KIAA1217: variants seen among roughly 807,000 people sequenced by gnomAD.
KIAA1217 encodes the protein KIAA1217, also known as sickle tail protein homolog.
A neutral mutation model predicts 163.9 loss-of-function variants in KIAA1217; 88 were observed. The observed-to-expected ratio is 0.54, with a 90% CI of 0.45 to 0.64. The LOEUF (loss-of-function observed/expected upper bound fraction) is 0.64. Among genes scored for constraint, KIAA1217 ranks in the 30% least tolerant of loss-of-function variants. The probability of loss-of-function intolerance (pLI) is 0.00; values close to 1 mark genes in which losing one functional copy is unlikely to be tolerated. For synonymous variants in KIAA1217, 903 were observed against 923.1 expected (o/e 0.98, Z 0.39); for missense variants, 2,372 against 2,475.0 (o/e 0.96, Z 0.88).
intron 2 of KIAA1217, among the ~76,000 whole-genome samples, chr10:24,234,074 C>G (rs2071834249): frequency 6.6e-6 from 1 of 151,890 alleles, no homozygotes; most frequent in Non-Finnish European, 1.5e-5. Flanking sequence ...CCTTATCATT[C>G]ATTTTCAATG....
intron 2 of KIAA1217, among the ~76,000 whole-genome samples, chr10:24,374,819 T>TA (rs2052230936): frequency 1.3e-5 from 2 of 152,176 alleles, no homozygotes; most frequent in Non-Finnish European, 2.9e-5. Flanking sequence ...GGGAGTCTTG[T>TA]TCTTTCTCCC....
At chr10:23,903,555 A>C (rs1198947901) in intron 1 of KIAA1217, among the ~76,000 whole-genome samples, 1 of 152,152 alleles carries the variant, frequency 6.6e-6, no homozygotes, top group Non-Finnish European at 1.5e-5. Context: ...TCTAATGGTC[A>C]TAAACTGAGG....
intron 1 of KIAA1217, among the ~76,000 whole-genome samples, chr10:23,970,049 C>G (rs918837225): frequency 6.6e-6 from 1 of 152,158 alleles, no homozygotes; most frequent in Non-Finnish European, 1.5e-5. Flanking sequence ...CCCCGTGATT[C>G]GATTATCTCC....
At chr10:24,155,225 A>T (rs2064821009) in intron 2 of KIAA1217, among the ~76,000 whole-genome samples, 1 of 152,096 alleles carries the variant, frequency 6.6e-6, no homozygotes, top group East Asian at 1.9e-4. Flanking sequence ...CTCCTTTCCT[A>T]GTCTTCCTTT....
At chr10:24,141,364 T>C (rs2064072228) in intron 2 of KIAA1217, among the ~76,000 whole-genome samples, 1 of 151,876 alleles carries the variant, frequency 6.6e-6, no homozygotes, top group African/African-American at 2.4e-5. Flanking sequence ...TTTCTTTCTC[T>C]CTCTCCATTT....
intron 1 of KIAA1217, among the ~76,000 whole-genome samples, chr10:23,895,207 C>A (rs1364016143): frequency 1.3e-5 from 2 of 152,012 alleles, no homozygotes; most frequent in East Asian, 1.9e-4. Context: ...AACAGGCAAC[C>A]CACAAAATGG....
chr10:24,133,571 C>CA (rs765374458), intron 2 of KIAA1217, among the ~76,000 whole-genome samples: 5,621 of 113,590 alleles, frequency 0.049, 239 homozygotes, highest in African/African-American at 0.14. Context: ...GACTGTGTCT[C>CA]AAAAAAAAAA....
At chr10:23,803,258 C>T (rs931422867) in intron 1 of KIAA1217, among the ~76,000 whole-genome samples, 6 of 152,236 alleles carry the variant, frequency 3.9e-5, no homozygotes, top group African/African-American at 1.4e-4. Flanking sequence ...TGGTGCCCAG[C>T]TCATGCCACC....
chr10:24,346,491 AT>A (rs2047792658), intron 2 of KIAA1217, among the ~76,000 whole-genome samples: 2 of 145,952 alleles, frequency 1.4e-5, no homozygotes. Context: ...TAATAATAAT[AT>A]TTCTTTGTAT....
intron 2 of KIAA1217, among the ~76,000 whole-genome samples, chr10:24,376,053 G>A (rs772526627): frequency 6.6e-5 from 10 of 152,084 alleles, no homozygotes; most frequent in Non-Finnish European, 1.3e-4. Flanking sequence ...GATCTCCCTC[G>A]CAGAACAGTG....
intron 1 of KIAA1217, among the ~76,000 whole-genome samples, chr10:23,819,724 G>A (rs1165911608): frequency 1.3e-5 from 2 of 152,152 alleles, no homozygotes; most frequent in South Asian, 2.1e-4. Context: ...ATTTGTCTTG[G>A]TGATTTGAAA....
chr10:24,208,335 CTTTACTAG>C (rs1379379597), upstream of KIAA1217, among the ~76,000 whole-genome samples: 5 of 151,408 alleles, frequency 3.3e-5, no homozygotes, highest in Non-Finnish European at 7.4e-5. Flanking sequence ...AGAAGATTGA[CTTTACTAG>C]TTTACCTTTC....
intron 1 of KIAA1217, among the ~76,000 whole-genome samples, chr10:23,742,167 T>G (rs1203019697): frequency 6.6e-6 from 1 of 151,750 alleles, no homozygotes; most frequent in Non-Finnish European, 1.5e-5. Context: ...CGCTCTGGGG[T>G]TTGAGTACAT....
chr10:24,131,866 A>G (rs2063664269), intron 2 of KIAA1217, among the ~76,000 whole-genome samples: 1 of 152,148 alleles, frequency 6.6e-6, no homozygotes, highest in Admixed American at 6.5e-5. Context: ...CCTTAGCTTG[A>G]TTTTAGAAGT....
chr10:23,949,397 TATTTA>T (rs1351720530), intron 1 of KIAA1217, among the ~76,000 whole-genome samples: 1 of 152,238 alleles, frequency 6.6e-6, no homozygotes, highest in Admixed American at 6.5e-5. Flanking sequence ...TTCTCAAAGT[TATTTA>T]TGTTATTTAG....
chr10:24,255,921 A>C (rs2075100238), intron 2 of KIAA1217, among the ~76,000 whole-genome samples: 2 of 152,016 alleles, frequency 1.3e-5, no homozygotes, highest in Admixed American at 1.3e-4. Context: ...GATGTTTCTA[A>C]GTATGGTGTA....
chr10:24,213,836 G>T (rs11013975), intron 1 of KIAA1217, among the ~76,000 whole-genome samples: 88,014 of 151,664 alleles, frequency 0.58, 25,784 homozygotes, highest in African/African-American at 0.67. Flanking sequence ...TAATGACCTG[G>T]TTTCAGCTGT....
intron 1 of KIAA1217, among the ~76,000 whole-genome samples, chr10:23,999,637 C>T (rs895401217): frequency 3.9e-5 from 6 of 152,210 alleles, no homozygotes; most frequent in African/African-American, 1.2e-4. Context: ...GGGGTAGATT[C>T]GCTGACATGG....
At chr10:24,219,280 A>T (rs1274837572) in intron 1 of KIAA1217, among the ~76,000 whole-genome samples, 3 of 151,870 alleles carry the variant, frequency 2.0e-5, no homozygotes, top group Admixed American at 2.0e-4. Context: ...CGCCTGGCTA[A>T]TTTTAATTTT....
Sources: gnomAD v4.1 joint callset for allele counts (sites outside exome capture counted in the v4.1 genomes callset) on GRCh38, gnomAD v4.1.1 for gene constraint, MANE v1.5 for transcripts, NCBI Gene and HGNC (gene_info 2026-07-23, HGNC 2026-07-21) for gene names.